Variants in MDP1 observed in about 807,000 individuals in gnomAD.
MDP1 encodes the protein magnesium-dependent phosphatase 1.
A neutral mutation model predicts 21.6 loss-of-function variants in MDP1; 18 were observed. The observed-to-expected ratio is 0.83, with a 90% CI of 0.58 to 1.24. MDP1 has a LOEUF of 1.24. Among genes scored for constraint, MDP1 ranks in the 50% most tolerant of loss-of-function variants. MDP1 has a pLI of 0.00. For missense variants in MDP1, 207 were observed against 218.6 expected (o/e 0.95, Z 0.33); for synonymous variants, 101 against 83.2 (o/e 1.21, Z -1.16).
In MDP1 at chr14:24,213,966, G is replaced by T. The variant is rs1488330909; in HGVS notation, c.*58C>A. 6.5e-7 allele frequency: 1 copy of T among 1,530,874 alleles called. No homozygotes were observed. Among genetic ancestry groups the T allele is most frequent in the Non-Finnish European group, 8.8e-7 (1 of 1,141,854 alleles). 94.8% of individuals were successfully genotyped at this position (1,530,874 alleles called of 1,614,324 possible). A position where few individuals can be genotyped will look rare whatever the true frequency, so the allele number is the denominator to read the frequency against. On this transcript the variant is annotated 3_prime_UTR_variant, in exon 6 of 6. Coordinates refer to ENST00000288087, the MANE Select transcript of MDP1 (RefSeq NM_138476.4). ...GGTAAAATCTCTTCTGTCACACACAGATGAACTTTAATAAATTACAAATGC... is the reference window on the plus strand; with the variant it reads ...GGTAAAATCTCTTCTGTCACACACATATGAACTTTAATAAATTACAAATGC...
In MDP1 at chr14:24,215,919, C is replaced by T. The variant is rs140990274; in HGVS notation, c.37G>A (p.Asp13Asn). Residue 13 changes from aspartate to asparagine, a missense_variant and splice_region_variant, in exon 1 of 6, where the codon GAT becomes AAT. By Grantham distance (23) the Asp-to-Asn change is conservative (BLOSUM62 1). Coordinates refer to ENST00000288087, the MANE Select transcript of MDP1 (RefSeq NM_138476.4). ...AAATTCTCCCCTTCCCGTCCCTCACCCAAATCAAAGACTGCCAGCTTCGGT... is the reference window on the plus strand; with the variant it reads ...AAATTCTCCCCTTCCCGTCCCTCACTCAAATCAAAGACTGCCAGCTTCGGT... Reference protein sequence around the residue: ...RLPKLAVFDLDYTLWPFWVDT... With the variant: ...RLPKLAVFDLNYTLWPFWVDT... 3.1e-6 allele frequency: 5 copies of T among 1,614,096 alleles called. No individual in the cohort carries two copies. In the African/African-American group the frequency reaches 5.3e-5, roughly 17 times the overall value.
chr14:24,215,037 C>CA (rs2039655777), intron 3 of MDP1, among the ~76,000 whole-genome samples: 6 of 151,294 alleles, frequency 4.0e-5, no homozygotes, highest in South Asian at 4.2e-4. Flanking sequence ...CTAGGCCTCC[C>CA]AAAATGCTAA....
intron 2 of MDP1, 21 bp downstream of exon 2, chr14:24,215,716 T>A (rs1447382416): frequency 6.2e-7 from 1 of 1,614,146 alleles, no homozygotes; most frequent in Non-Finnish European, 8.5e-7. Flanking sequence ...TCGCCCCCAG[T>A]CTTCCCTGTC....
In MDP1 at chr14:24,216,050, TG is replaced by T; in HGVS notation, c.-96del. On this transcript the variant is annotated 5_prime_UTR_variant, in exon 1 of 6. An upstream open reading frame in the 5' UTR gains an earlier in-frame stop. Transcript: ENST00000288087. ...CGGCAGCTAAGGCAGCCACCCTGCC[TG>T]CCATAGACAAATGGCGACTAGAGCG... 6.5e-7 allele frequency: 1 copy of T among 1,546,180 alleles called. No homozygotes were observed. Among genetic ancestry groups the T allele is most frequent in the Non-Finnish European group, 8.9e-7 (1 of 1,129,100 alleles).
Position 24,215,931 on chromosome 14 carries a change from C to A in MDP1, c.25G>T (p.Val9Phe), listed in dbSNP as rs759914667. 6.2e-7 allele frequency: 1 copy of A among 1,614,230 alleles called. No homozygotes were observed. Among genetic ancestry groups the A allele is most frequent in the East Asian group, 2.2e-5 (1 of 44,886 alleles). The change falls in exon 1 of 6, where the codon GTC becomes TTC. Residue 9 changes from valine to phenylalanine, a missense_variant. Coordinates refer to ENST00000288087, the MANE Select transcript of MDP1 (RefSeq NM_138476.4). The part of the protein sequence containing the change: MARLPKLA[V>F]FDLDYTLWPF... The stretch of plus-strand genomic sequence containing the variant: ...TCCCGTCCCTCACCCAAATCAAAGA[C>A]TGCCAGCTTCGGTAGCCGCGCCATG...
At chr14:24,214,840 C>T (rs113112914) in intron 3 of MDP1, among the ~76,000 whole-genome samples, 19 of 152,030 alleles carry the variant, frequency 1.2e-4, no homozygotes, top group African/African-American at 3.6e-4. Flanking sequence ...TGGAGTGCAG[C>T]GACCCAATCA....
At position 24,214,151 on chromosome 14, in the gene MDP1, C is replaced by T. The variant is rs1332708304; in HGVS notation, c.404G>A (p.Gly135Asp). Reference sequence around the variant, plus strand: ...ATTCTGGATGTGAATGCAGGTAACACCTAGAAAGATAAGAAGTCACATTTC... The same window carrying T: ...ATTCTGGATGTGAATGCAGGTAACATCTAGAAAGATAAGAAGTCACATTTC... ...RRNIVDVSKL[G>D]VTCIHIQNGM... Residue 135 changes from glycine (G) to aspartate (D), a missense_variant and splice_region_variant, in exon 6 of 6, where the codon GGT becomes GAT. Coordinates refer to ENST00000288087, the MANE Select transcript of MDP1 (RefSeq NM_138476.4). 1.1e-5 allele frequency: 18 copies of T among 1,609,876 alleles called. No individual in the cohort carries two copies. The highest frequency in any genetic ancestry group is 1.5e-5 in the Non-Finnish European group (18 of 1,178,052).
Position 24,214,138 on chromosome 14 carries a change from AATGCAGGTAACAC to A in MDP1, c.404_416del (p.Gly135ValfsTer7). On this transcript the variant is annotated frameshift_variant and splice_region_variant, in exon 6 of 6. Transcript: ENST00000288087. LOFTEE classifies it high-confidence loss of function. ...GAAGATTCATTCCATTCTGGATGTG[AATGCAGGTAACAC>A]CTAGAAAGATAAGAAGTCACATTTC... The A allele has an allele frequency of 6.2e-7, 1 of 1,612,216 alleles. No individual in the cohort carries two copies. The highest frequency in any genetic ancestry group is 8.5e-7 in the Non-Finnish European group (1 of 1,179,356).
intron 3 of MDP1, 72 bp from the exon 4 acceptor site, chr14:24,214,671 TAGTA>T (rs2039647133): frequency 1.9e-6 from 3 of 1,539,216 alleles, no homozygotes; most frequent in African/African-American, 1.4e-5. Flanking sequence ...TAAGCAAAGT[TAGTA>T]AGTATAACCA....
intron 3 of MDP1, among the ~76,000 whole-genome samples, chr14:24,215,211 G>T (rs1308401971): frequency 6.7e-6 from 1 of 150,034 alleles, no homozygotes; most frequent in Non-Finnish European, 1.5e-5. Flanking sequence ...TCAGCCTCCC[G>T]AGTAGCTAGG....
At position 24,214,329 on chromosome 14, in the gene MDP1, A is replaced by G; in HGVS notation, c.384T>C (p.Ile128=). 2 of 1,614,198 alleles carry G rather than the reference A, an allele frequency of 1.2e-6. No individual in the cohort carries two copies. The highest frequency in any genetic ancestry group is 8.5e-7 in the Non-Finnish European group (1 of 1,180,036). The change falls in exon 5 of 6, where the codon ATT becomes ATC. Residue 128 remains isoleucine (I), a synonymous_variant. Coordinates refer to ENST00000288087, the MANE Select transcript of MDP1 (RefSeq NM_138476.4). ...CAGTACCCAGTTTGCTGACGTCTAC[A>G]ATATTCCGCCTCTCATCATCAAAGA... ...MIFFDDERRN[I]VDVSKLGVTC...
In MDP1 at chr14:24,215,602, C is replaced by T; in HGVS notation, c.159G>A (p.Glu53=). 6.2e-7 allele frequency: 1 copy of T among 1,614,168 alleles called. No homozygotes were observed. The highest frequency in any genetic ancestry group is 1.3e-5 in the African/African-American group (1 of 75,038). The change falls in exon 3 of 6, where the codon GAG becomes GAA. Residue 53 remains glutamate, a synonymous_variant. Transcript: ENST00000288087. ...QDVRLYPEVP[E]VLKRLQSLGV... ...CAAGGCTCTGCAATCGTTTTAGGACCTCAGGCACCTCTGGGTACAGTCGGA... is the reference window on the plus strand; with the variant it reads ...CAAGGCTCTGCAATCGTTTTAGGACTTCAGGCACCTCTGGGTACAGTCGGA...
In MDP1 at chr14:24,214,292, TTCC is replaced by T; in HGVS notation, c.403+15_403+17del. 6.2e-7 allele frequency: 1 copy of T among 1,614,228 alleles called. No homozygotes were observed. Among genetic ancestry groups the T allele is most frequent in the Non-Finnish European group, 8.5e-7 (1 of 1,180,032 alleles). Reference sequence around the variant, plus strand: ...CCCTCCTAGGGACCCCAAATGGCTGTTCCTCATCACTCAGTACCCAGTTTGCTG... The same window carrying T: ...CCCTCCTAGGGACCCCAAATGGCTGTTCATCACTCAGTACCCAGTTTGCTG... On this transcript the variant is annotated intron_variant, in intron 5 of 5. Coordinates refer to ENST00000288087, the MANE Select transcript of MDP1 (RefSeq NM_138476.4).
chr14:24,214,497 A>C lies in MDP1; in HGVS notation c.312T>G (p.Phe104Leu). 1.9e-6 allele frequency: 3 copies of C among 1,614,124 alleles called. No homozygotes were observed. Among genetic ancestry groups the C allele is most frequent in the Non-Finnish European group, 8.5e-7 (1 of 1,180,026 alleles). ...CCTCCCTTATCTCCGCATACCTCTC[A>C]AAGTGTGTGATCTTGCTGCCTGGAT... ...EIYPGSKITH[F>L]ERLQQKTGIP... Residue 104 changes from phenylalanine to leucine, a missense_variant, in exon 4 of 6, where the codon TTT becomes TTG. By Grantham distance (22) the Phe-to-Leu change is conservative. Coordinates refer to ENST00000288087, the MANE Select transcript of MDP1 (RefSeq NM_138476.4).
intron 3 of MDP1, among the ~76,000 whole-genome samples, chr14:24,214,852 G>C (rs1241743594): frequency 6.6e-6 from 1 of 151,914 alleles, no homozygotes; most frequent in East Asian, 1.9e-4. Flanking sequence ...ACCCAATCAC[G>C]GCTCACTGTG....
At chr14:24,215,194 T>A (rs1043513228) in intron 3 of MDP1, among the ~76,000 whole-genome samples, 2 of 150,086 alleles carry the variant, frequency 1.3e-5, no homozygotes, top group Non-Finnish European at 3.0e-5. Flanking sequence ...CAAGCGATTC[T>A]CCTGCCTCAG....
chr14:24,215,758 T>TCTA lies in MDP1; in HGVS notation c.74_76dup (p.Val25dup). Reference sequence around the variant, plus strand: ...TCACCTGCTCTTATGGAACGGAGGGTCTACGTGCGTGTCGACCCAGAAAGG... The same window carrying TCTA: ...TCACCTGCTCTTATGGAACGGAGGGTCTACTACGTGCGTGTCGACCCAGAAAGG... On this transcript the variant is annotated inframe_insertion, in exon 2 of 6. Transcript: ENST00000288087. 1 of 1,614,000 alleles carries TCTA rather than the reference T, an allele frequency of 6.2e-7. No homozygotes were observed. The highest frequency in any genetic ancestry group is 8.5e-7 in the Non-Finnish European group (1 of 1,179,994).
chr14:24,214,445 G>C (rs374063034), intron 4 of MDP1, 47 bp downstream of exon 4: 1 of 1,614,088 alleles, frequency 6.2e-7, no homozygotes, highest in South Asian at 1.1e-5. Flanking sequence ...GGTTTCCCAG[G>C]CCTCTCTGAT....
At chr14:24,214,286 T>A in intron 5 of MDP1, 24 bp downstream of exon 5, 1 of 1,614,208 alleles carries the variant, frequency 6.2e-7, no homozygotes, top group Non-Finnish European at 8.5e-7. Flanking sequence ...GGACCCCAAA[T>A]GGCTGTTCCT....
Sources: allele counts gnomAD v4.1 joint callset (sites outside exome capture counted in the v4.1 genomes callset), GRCh38; gene constraint gnomAD v4.1.1; transcripts MANE v1.5; gene names NCBI Gene and HGNC (gene_info 2026-07-23, HGNC 2026-07-21).